The following RHOBTB1 variants were observed in gnomAD, a reference collection of about 807,000 sequenced individuals.
The protein encoded by RHOBTB1 is Rho related BTB domain containing 1.
RHOBTB1 carries 40 observed loss-of-function variants against 71.6 expected under a neutral mutation model. The observed-to-expected ratio is 0.56, with a 90% CI of 0.43 to 0.73. The LOEUF is 0.73. RHOBTB1 is among the 30% of genes least tolerant of loss of function. The pLI is 0.00. For missense variants in RHOBTB1, 797 were observed against 894.0 expected (o/e 0.89, Z 1.38); for synonymous variants, 319 against 334.9 (o/e 0.95, Z 0.52).
chr10:60,919,339 A>G (rs1364601031), intron 2 of RHOBTB1, among the ~76,000 whole-genome samples: 6 of 152,242 alleles, frequency 3.9e-5, no homozygotes, highest in African/African-American at 1.4e-4. Flanking sequence ...ACAGGAAAAA[A>G]GGAAAATGTT....
intron 2 of RHOBTB1, among the ~76,000 whole-genome samples, chr10:60,940,671 T>G (rs1011896821): frequency 5.9e-5 from 9 of 152,250 alleles, no homozygotes; most frequent in Non-Finnish European, 1.2e-4. Context: ...CGGTTCTGGA[T>G]GACTACATAA....
intron 2 of RHOBTB1, among the ~76,000 whole-genome samples, chr10:60,974,897 T>TG (rs1157000294): frequency 6.6e-6 from 1 of 152,006 alleles, no homozygotes. Context: ...ATGGCATGTA[T>TG]GGGGATGACT....
At chr10:60,920,510 G>A (rs2083498417) in intron 2 of RHOBTB1, among the ~76,000 whole-genome samples, 1 of 152,090 alleles carries the variant, frequency 6.6e-6, no homozygotes, top group Non-Finnish European at 1.5e-5. Context: ...AGGTAGGTGG[G>A]GATAGATCAT....
chr10:60,924,518 G>A (rs1368388262), intron 2 of RHOBTB1, among the ~76,000 whole-genome samples: 1 of 152,158 alleles, frequency 6.6e-6, no homozygotes, highest in Non-Finnish European at 1.5e-5. Context: ...GCTAAAGAGA[G>A]AGAGAGAGAG....
chr10:60,928,528 C>T (rs1265717798), intron 2 of RHOBTB1, among the ~76,000 whole-genome samples: 1 of 151,556 alleles, frequency 6.6e-6, no homozygotes, highest in Non-Finnish European at 1.5e-5. Context: ...CACTAAAAGA[C>T]AAATATTTCA....
chr10:60,971,092 TTAA>T (rs1035441468), intron 2 of RHOBTB1, among the ~76,000 whole-genome samples: 2 of 152,020 alleles, frequency 1.3e-5, no homozygotes, highest in Non-Finnish European at 2.9e-5. Flanking sequence ...ATTGATGTAA[TTAA>T]TAATAATAAC....
intron 2 of RHOBTB1, among the ~76,000 whole-genome samples, chr10:60,935,257 T>C (rs2084511310): frequency 6.6e-6 from 1 of 152,182 alleles, no homozygotes; most frequent in African/African-American, 2.4e-5. Context: ...ATTTCATTTA[T>C]ATAAAGTCCA....
chr10:60,872,232 T>C lies in RHOBTB1; in HGVS notation c.1874A>G (p.Asn625Ser). 6.2e-7 allele frequency: 1 copy of C among 1,614,092 alleles called. No homozygotes were observed. The highest frequency in any genetic ancestry group is 8.5e-7 in the Non-Finnish European group (1 of 1,179,990). ...WCLHHICTNY[N>S]SVCSKFRKEI... is the part of the protein sequence containing the mutation. Reference sequence around the variant, plus strand: ...CTTACGGAACTTGGAGCATACACTGTTGTAGTTGGTGCAGATGTGGTGCAA... The same window carrying C: ...CTTACGGAACTTGGAGCATACACTGCTGTAGTTGGTGCAGATGTGGTGCAA... Residue 625 changes from asparagine (N) to serine (S), a missense_variant, in exon 10 of 11, where the codon AAC (asparagine) becomes AGC (serine). Asn to Ser is a conservative substitution (Grantham distance 46). Around this residue, in one of 2 missense-constraint regions of RHOBTB1, gnomAD observed 658 missense variants for 681.5 expected, o/e 0.97. Transcript: ENST00000337910.
chr10:60,989,168 A>C lies in RHOBTB1; in HGVS notation c.-162-3223T>G, dbSNP rs1010050781. On this transcript the variant is annotated intron_variant, in intron 1 of 11. Transcript: ENST00000357917. Reference sequence around the variant, plus strand: ...AGCAAGACTGTCTGATTTGAAAGACAAAAAGAATGAAAAGAGCAAATGAGA... The same window carrying C: ...AGCAAGACTGTCTGATTTGAAAGACCAAAAGAATGAAAAGAGCAAATGAGA... Among the ~76,000 whole-genome samples, 3 of 147,934 alleles carry C rather than the reference A, an allele frequency of 2.0e-5. No individual in the cohort carries two copies. In the Admixed American group the frequency reaches 2.0e-4, roughly 10 times the overall value.
intron 4 of RHOBTB1, among the ~76,000 whole-genome samples, chr10:60,910,131 A>C (rs531342485): frequency 1.5e-3 from 225 of 152,254 alleles, no homozygotes; most frequent in African/African-American, 5.2e-3. Context: ...AAATGTGTTC[A>C]TTTATAATTA....
intron 2 of RHOBTB1, among the ~76,000 whole-genome samples, chr10:60,941,340 GA>G (rs768377784): frequency 4.3e-4 from 65 of 152,192 alleles, no homozygotes; most frequent in Non-Finnish European, 7.8e-4. Flanking sequence ...TCACCTCCCA[GA>G]GATTTTTTTT....
At chr10:60,946,119 A>G (rs563705424), upstream of RHOBTB1, among the ~76,000 whole-genome samples, 3 of 152,066 alleles carry the variant, frequency 2.0e-5, no homozygotes, top group Non-Finnish European at 2.9e-5. Context: ...CGGAGGTTGC[A>G]GTGAGCCGAG....
intron 2 of RHOBTB1, among the ~76,000 whole-genome samples, chr10:60,978,995 T>C (rs956733403): frequency 2.0e-5 from 3 of 152,132 alleles, no homozygotes; most frequent in Non-Finnish European, 4.4e-5. Context: ...CTATGTATCA[T>C]GTGTCACCAG....
chr10:60,911,672 C>T, intron 2 of RHOBTB1, 120 bp from the exon 3 acceptor site: 1 of 775,274 alleles, frequency 1.3e-6, no homozygotes, highest in Admixed American at 2.1e-5. Context: ...TGCACAAGCA[C>T]AGGAAAGAAT....
chr10:60,904,262 A>G (rs1031718649), intron 4 of RHOBTB1, among the ~76,000 whole-genome samples: 2 of 152,168 alleles, frequency 1.3e-5, no homozygotes, highest in Admixed American at 6.6e-5. Context: ...CTCGTCTTAA[A>G]GAATTTTTAT....
At chr10:60,942,761 C>G (rs1411443142) in intron 1 of RHOBTB1, among the ~76,000 whole-genome samples, 2 of 152,186 alleles carry the variant, frequency 1.3e-5, no homozygotes, top group Non-Finnish European at 2.9e-5. Flanking sequence ...TTAAAAAGGT[C>G]TAAGCCTTGC....
intron 7 of RHOBTB1, among the ~76,000 whole-genome samples, chr10:60,880,610 G>A (rs1052844356): frequency 5.3e-5 from 8 of 152,034 alleles, no homozygotes; most frequent in African/African-American, 1.4e-4. Flanking sequence ...ATCATTTTAG[G>A]TTTCCAGCAC....
At chr10:60,994,138 C>T (rs1184156917) in intron 1 of RHOBTB1, among the ~76,000 whole-genome samples, 2 of 152,004 alleles carry the variant, frequency 1.3e-5, no homozygotes, top group African/African-American at 2.4e-5. Flanking sequence ...ATTAATTCAA[C>T]GAATTGACAA....
chr10:60,976,717 T>C (rs1314357681), intron 2 of RHOBTB1, among the ~76,000 whole-genome samples: 1 of 152,044 alleles, frequency 6.6e-6, no homozygotes, highest in Non-Finnish European at 1.5e-5. Context: ...TAATGGGTTT[T>C]ATATTTCACT....
Sources: gnomAD v4.1 joint callset for allele counts (sites outside exome capture counted in the v4.1 genomes callset) on GRCh38, gnomAD v4.1.1 for gene constraint, gnomAD v4.1.1 regional missense constraint, MANE v1.5 for transcripts, NCBI Gene and HGNC (gene_info 2026-07-23, HGNC 2026-07-21) for gene names.